ARL14EPL: variants seen among roughly 807,000 people sequenced by gnomAD.
ARL14EPL encodes ARL14 effector protein-like.
Under a neutral mutation model 15.9 loss-of-function variants are expected in ARL14EPL, and 17 were observed. That is an observed-to-expected ratio of 1.07 (90% CI 0.73 to 1.60). ARL14EPL has a LOEUF of 1.60. Ranked by LOEUF, ARL14EPL falls within the 40% of genes most tolerant of loss-of-function variation. ARL14EPL has a pLI of 0.00. For missense variants in ARL14EPL, 214 were observed against 185.9 expected, an observed-to-expected ratio of 1.15 and a Z score of -0.88; for synonymous variants, 78 against 63.8, an observed-to-expected ratio of 1.22 and a Z score of -1.06.
chr5:116,057,720 C>T (rs1485092804), intron 3 of ARL14EPL, among the ~76,000 whole-genome samples: 1 of 152,148 alleles, frequency 6.6e-6, no homozygotes, highest in Non-Finnish European at 1.5e-5. Flanking sequence ...AATCCTTTCC[C>T]TTCCCTGCAT....
At chr5:116,056,498 GT>G (rs1749520949) in intron 3 of ARL14EPL, among the ~76,000 whole-genome samples, 2 of 152,170 alleles carry the variant, frequency 1.3e-5, no homozygotes, top group African/African-American at 4.8e-5. Context: ...GGGGTTGTTT[GT>G]TTTTTTCTTG....
chr5:116,049,240 T>C (rs1406880604), intron 1 of ARL14EPL, among the ~76,000 whole-genome samples: 1 of 152,188 alleles, frequency 6.6e-6, no homozygotes, highest in African/African-American at 2.4e-5. Context: ...AATGATAAGG[T>C]TCATCAGAGA....
At chr5:116,042,874 T>A (rs906563587) in intron 1 of ARL14EPL, among the ~76,000 whole-genome samples, 3 of 152,204 alleles carry the variant, frequency 2.0e-5, no homozygotes, top group African/African-American at 4.8e-5. Context: ...CTATAAATAC[T>A]CTTTGTATTC....
At chr5:116,055,394 A>T (rs766616764) in intron 3 of ARL14EPL, among the ~76,000 whole-genome samples, 32 of 152,236 alleles carry the variant, frequency 2.1e-4, no homozygotes, top group Non-Finnish European at 3.4e-4. Context: ...CAAAGAAAAT[A>T]AACTGTTAAT....
At chr5:116,051,673 G>C in intron 2 of ARL14EPL, 112 bp downstream of exon 2, 1 of 911,964 alleles carries the variant, frequency 1.1e-6, no homozygotes, top group Non-Finnish European at 1.6e-6. Context: ...ACCTCACAGG[G>C]AGGAGCTCTG....
chr5:116,059,097 G>A lies in ARL14EPL; in HGVS notation c.*150G>A, dbSNP rs6881110. On this transcript the variant is annotated 3_prime_UTR_variant, in exon 4 of 4. Transcript: ENST00000686077. ...CAAGCCCCAGAACAATGTAGAATGG[G>A]CAATAATTCTGTAACCTTCTTAACT... The A allele has an allele frequency of 0.7, 490,730 of 703,980 alleles. 178,780 individuals are homozygous for A. Among genetic ancestry groups the A allele is most frequent in the Non-Finnish European group, 0.78 (336,520 of 430,976 alleles). 43.6% of individuals were successfully genotyped at this position (703,980 alleles called of 1,614,324 possible).
intron 1 of ARL14EPL, among the ~76,000 whole-genome samples, chr5:116,043,213 G>A (rs1388225109): frequency 1.4e-5 from 2 of 145,452 alleles, no homozygotes; most frequent in East Asian, 2.4e-4. Context: ...GCCATTGAAA[G>A]TAATGGCAAA....
intron 2 of ARL14EPL, chr5:116,051,887 A>G (rs1749388827): frequency 7.5e-7 from 1 of 1,333,676 alleles, no homozygotes; most frequent in Non-Finnish European, 1.1e-6. Context: ...TATTTTTCCA[A>G]ATGTACAGCT....
At chr5:116,045,306 C>G (rs1749243248) in intron 1 of ARL14EPL, among the ~76,000 whole-genome samples, 1 of 152,118 alleles carries the variant, frequency 6.6e-6, no homozygotes, top group African/African-American at 2.4e-5. Flanking sequence ...GAGGTGAGTG[C>G]TTTTGAAGGA....
chr5:116,058,848 T>C lies in ARL14EPL; in HGVS notation c.360T>C (p.Cys120=), dbSNP rs753940247. The C allele has an allele frequency of 3.3e-6, 5 of 1,535,998 alleles. No homozygotes were observed. ...YPCPKCNSNK[C]GPECRCNRRW... ...GCCCGAAGTGTAACTCCAACAAGTG[T>C]GGGCCCGAGTGCCGCTGCAACCGAC... The change falls in exon 4 of 4, where the codon TGT becomes TGC. Residue 120 remains cysteine (C), a synonymous_variant. Transcript: ENST00000686077.
At chr5:116,036,932 A>AT (rs5870684) in intron 1 of ARL14EPL, among the ~76,000 whole-genome samples, 42 of 149,898 alleles carry the variant, frequency 2.8e-4, no homozygotes, top group East Asian at 5.8e-4. Context: ...GCAATTAAAG[A>AT]TTTTTTTTTT....
At chr5:116,036,328 C>T (rs891692978) in intron 1 of ARL14EPL, among the ~76,000 whole-genome samples, 2 of 152,184 alleles carry the variant, frequency 1.3e-5, no homozygotes, top group African/African-American at 2.4e-5. Flanking sequence ...ACACATACAT[C>T]TTCCGTAGAC....
At chr5:116,032,861 C>T (rs1328667048) in intron 1 of ARL14EPL, among the ~76,000 whole-genome samples, 2 of 152,092 alleles carry the variant, frequency 1.3e-5, no homozygotes, top group East Asian at 1.9e-4. Context: ...GCAGTGCTGC[C>T]ATCTCCGCTC....
intron 1 of ARL14EPL, among the ~76,000 whole-genome samples, chr5:116,046,730 T>G (rs1254984365): frequency 6.6e-6 from 1 of 152,226 alleles, no homozygotes; most frequent in African/African-American, 2.4e-5. Context: ...TATGTTGGGT[T>G]ATTTCATTGT....
intron 1 of ARL14EPL, among the ~76,000 whole-genome samples, chr5:116,042,372 G>T (rs1749176313): frequency 6.6e-6 from 1 of 152,166 alleles, no homozygotes; most frequent in African/African-American, 2.4e-5. Context: ...GGGCAGTGTG[G>T]ATAGATACCC....
At chr5:116,054,366 G>C (rs944062808) in intron 3 of ARL14EPL, among the ~76,000 whole-genome samples, 2 of 152,120 alleles carry the variant, frequency 1.3e-5, no homozygotes, top group South Asian at 2.1e-4. Context: ...TTTTAAAAAG[G>C]CTTCAATAGC....
intron 1 of ARL14EPL, among the ~76,000 whole-genome samples, chr5:116,049,844 A>G (rs948079678): frequency 5.3e-5 from 8 of 152,212 alleles, no homozygotes; most frequent in African/African-American, 1.9e-4. Flanking sequence ...ATTATAAATT[A>G]CATTTTTTCA....
At chr5:116,050,623 G>A (rs1749351723) in intron 1 of ARL14EPL, among the ~76,000 whole-genome samples, 1 of 152,116 alleles carries the variant, frequency 6.6e-6, no homozygotes, top group Non-Finnish European at 1.5e-5. Flanking sequence ...AGTTACTTCA[G>A]TAGAAATGGC....
chr5:116,037,718 G>T (rs1041956890), intron 1 of ARL14EPL, among the ~76,000 whole-genome samples: 3 of 152,132 alleles, frequency 2.0e-5, no homozygotes, highest in Admixed American at 1.3e-4. Flanking sequence ...TTTAAAAATT[G>T]TGAAATACAT....
Sources: gnomAD v4.1 joint callset for allele counts (sites outside exome capture counted in the v4.1 genomes callset) on GRCh38, gnomAD v4.1.1 for gene constraint, MANE v1.5 for transcripts, NCBI Gene and HGNC (gene_info 2026-07-23, HGNC 2026-07-21) for gene names.